RGL1: variants seen among roughly 807,000 people sequenced by gnomAD.
RGL1 encodes the protein ral guanine nucleotide dissociation stimulator like 1, also known as ral guanine nucleotide dissociation stimulator-like 1.
Under a neutral mutation model 95.2 loss-of-function variants are expected in RGL1, and 24 were observed. The observed-to-expected ratio is 0.25, with a 90% confidence interval of 0.18 to 0.35. The LOEUF (loss-of-function observed/expected upper bound fraction) is 0.35, where lower values mean the gene tolerates loss of function less well. Among genes scored for constraint, RGL1 ranks in the 10% least tolerant of loss-of-function variants. The pLI is 1.00. For missense variants in RGL1, 715 were observed against 936.3 expected (o/e 0.76, Z 3.08); for synonymous variants, 329 against 344.9 (o/e 0.95, Z 0.51).
At chr1:183,901,664 T>C (rs1190616720) in intron 11 of RGL1, among the ~76,000 whole-genome samples, 1 of 151,978 alleles carries the variant, frequency 6.6e-6, no homozygotes, top group African/African-American at 2.4e-5. Flanking sequence ...TGTCTCTCTC[T>C]CTCTCTGTCC....
At chr1:183,822,027 T>G (rs548690016) in intron 2 of RGL1, among the ~76,000 whole-genome samples, 1 of 152,104 alleles carries the variant, frequency 6.6e-6, no homozygotes, top group Admixed American at 6.6e-5. Flanking sequence ...ACAAAAGATG[T>G]AGGGGTGGTC....
intron 1 of RGL1, among the ~76,000 whole-genome samples, chr1:183,679,781 G>T (rs1172676194): frequency 2.0e-5 from 3 of 152,162 alleles, no homozygotes; most frequent in African/African-American, 4.8e-5. Flanking sequence ...GAGCCTTGAG[G>T]AATCGCCACA....
intron 11 of RGL1, 151 bp from the exon 12 acceptor site, chr1:183,902,417 C>T (rs1050721956): frequency 1.9e-6 from 1 of 517,794 alleles, no homozygotes; most frequent in South Asian, 5.3e-5. Flanking sequence ...CAAAACAGGA[C>T]TCTCTTCTTC....
At chr1:183,836,878 C>T (rs775777330) in intron 2 of RGL1, among the ~76,000 whole-genome samples, 10 of 152,062 alleles carry the variant, frequency 6.6e-5, no homozygotes, top group East Asian at 3.9e-4. Context: ...AACTAAACAA[C>T]GTCATTATTA....
intron 2 of RGL1, among the ~76,000 whole-genome samples, chr1:183,761,763 C>T (rs2102308240): frequency 6.6e-6 from 1 of 152,334 alleles, no homozygotes; most frequent in African/African-American, 2.4e-5. Flanking sequence ...ATTTTGTCTA[C>T]ATTGAAAATC....
At chr1:183,883,754 C>T (rs1168402765) in intron 5 of RGL1, 32 bp from the exon 6 acceptor site, 2 of 1,612,646 alleles carry the variant, frequency 1.2e-6, no homozygotes, top group Admixed American at 1.7e-5. Context: ...TACACTGGCG[C>T]CAAATTACTA....
intron 1 of RGL1, among the ~76,000 whole-genome samples, chr1:183,741,135 A>C (rs1269586051): frequency 6.6e-6 from 1 of 152,220 alleles, no homozygotes; most frequent in Non-Finnish European, 1.5e-5. Context: ...GCAGCAGTGC[A>C]TGCATGAGGT....
In RGL1 at chr1:183,749,137, C is replaced by T. The variant is rs564748237; in HGVS notation, c.132+6848C>T. 2.9e-4 allele frequency among the ~76,000 whole-genome samples: 44 copies of T among 152,078 alleles called. 1 individual carries two copies. In the East Asian group the frequency reaches 2.9e-3, roughly 10 times the overall value. On this transcript the variant is annotated intron_variant, in intron 2 of 18. Transcript: ENST00000304685. ...GAGTTCTGCAGATGTCTATTAGGTC[C>T]GCTTGGTCCAGAGCTGAGTTCAAGT... is the stretch of plus-strand genomic sequence containing the variant.
At chr1:183,913,945 C>T (rs1393244589) in intron 15 of RGL1, among the ~76,000 whole-genome samples, 4 of 152,222 alleles carry the variant, frequency 2.6e-5, no homozygotes, top group South Asian at 2.1e-4. Context: ...TGGACACCTA[C>T]GGACTGGCCA....
At chr1:183,683,584 G>GT (rs1163077154) in intron 1 of RGL1, among the ~76,000 whole-genome samples, 2 of 152,092 alleles carry the variant, frequency 1.3e-5, no homozygotes, top group Non-Finnish European at 2.9e-5. Flanking sequence ...CTTTCTTTCT[G>GT]GTTGCCCTTA....
intron 1 of RGL1, among the ~76,000 whole-genome samples, chr1:183,737,913 G>C (rs1028075619): frequency 6.6e-6 from 1 of 152,046 alleles, no homozygotes; most frequent in African/African-American, 2.4e-5. Flanking sequence ...TCTGTTTTGG[G>C]TATCAGGTGT....
At chr1:183,736,543 A>G (rs752404517) in intron 1 of RGL1, among the ~76,000 whole-genome samples, 5 of 152,242 alleles carry the variant, frequency 3.3e-5, no homozygotes, top group African/African-American at 7.2e-5. Context: ...TAAAACTAAA[A>G]TGCAAAGACT....
chr1:183,637,372 G>A (rs554987452), intron 1 of RGL1, among the ~76,000 whole-genome samples: 8 of 152,268 alleles, frequency 5.3e-5, no homozygotes, highest in African/African-American at 1.9e-4. Flanking sequence ...AGCTAAGCAT[G>A]CAGAAGGGAC....
intron 2 of RGL1, chr1:183,754,651 T>G (rs939186932): frequency 2.6e-5 from 4 of 152,216 alleles, no homozygotes. Context: ...AGACATGCAT[T>G]GTATTAGTTT....
intron 2 of RGL1, among the ~76,000 whole-genome samples, chr1:183,751,365 GGGGAAAAGT>G (rs1243731290): frequency 2.0e-5 from 3 of 152,210 alleles, no homozygotes; most frequent in Non-Finnish European, 4.4e-5. Flanking sequence ...TACACTGCGA[GGGGAAAAGT>G]GCCTATTCAA....
intron 2 of RGL1, among the ~76,000 whole-genome samples, chr1:183,826,961 T>A (rs1662908939): frequency 6.6e-6 from 1 of 152,164 alleles, no homozygotes; most frequent in Non-Finnish European, 1.5e-5. Flanking sequence ...GTCACTCTGT[T>A]GCCCAGGCTG....
At chr1:183,911,839 T>A (rs1488835232) in intron 14 of RGL1, among the ~76,000 whole-genome samples, 1 of 152,238 alleles carries the variant, frequency 6.6e-6, no homozygotes, top group South Asian at 2.1e-4. Context: ...ACCATTGACC[T>A]AGAAAGACTT....
chr1:183,730,183 G>T (rs1469357179), intron 1 of RGL1, among the ~76,000 whole-genome samples: 2 of 152,116 alleles, frequency 1.3e-5, no homozygotes, highest in Non-Finnish European at 2.9e-5. Flanking sequence ...GTCAGTAAAG[G>T]GAAACATTAT....
intron 3 of RGL1, among the ~76,000 whole-genome samples, chr1:183,852,623 G>T (rs931237202): frequency 1.3e-5 from 2 of 152,080 alleles, no homozygotes; most frequent in Non-Finnish European, 1.5e-5. Context: ...AGACCAACCT[G>T]GCCAACATGG....
Sources: allele counts gnomAD v4.1 joint callset (sites outside exome capture counted in the v4.1 genomes callset), GRCh38; gene constraint gnomAD v4.1.1; transcripts MANE v1.5; gene names NCBI Gene and HGNC (gene_info 2026-07-23, HGNC 2026-07-21).